IL1RAPL1: variants seen among roughly 807,000 people sequenced by gnomAD.
The protein encoded by IL1RAPL1 is interleukin-1 receptor accessory protein-like 1.
Under a neutral mutation model 48.4 loss-of-function variants are expected in IL1RAPL1, and 3 were observed. The ratio of observed to expected loss-of-function variants is 0.06; its 90% CI spans 0.03 to 0.16. The LOEUF (loss-of-function observed/expected upper bound fraction) is 0.16. IL1RAPL1 is among the 10% of genes least tolerant of loss of function. The pLI is 1.00. For missense variants in IL1RAPL1, 349 were observed against 530.6 expected, an observed-to-expected ratio of 0.66 and a Z score of 3.36; for synonymous variants, 185 against 187.7, an observed-to-expected ratio of 0.99 and a Z score of 0.12.
chrX:28,870,682 A>G (rs1922185919), intron 2 of IL1RAPL1, among the ~76,000 whole-genome samples: 1 of 111,429 alleles, frequency 9.0e-6, no homozygotes, highest in African/African-American at 3.3e-5. Context: ...CTCAATTTAA[A>G]TGCCCTTGTC....
chrX:28,917,533 G>T lies in IL1RAPL1; in HGVS notation c.82+128108G>T, dbSNP rs1158150658. On this transcript the variant is annotated intron_variant, in intron 2 of 10. Transcript: ENST00000378993. ...AACTCTGCAGTGATTGTGGGCTGAT[G>T]GTTCAAGTACAGTGATTCAGTGATT... is the stretch of plus-strand genomic sequence containing the variant. 4.5e-5 allele frequency among the ~76,000 whole-genome samples: 5 copies of T among 111,739 alleles called. No individual in the cohort carries two copies. In the East Asian group the frequency reaches 1.4e-3, roughly 32 times the overall value.
chrX:29,039,975 T>C (rs1297925175), intron 2 of IL1RAPL1, among the ~76,000 whole-genome samples: 1 of 110,817 alleles, frequency 9.0e-6, no homozygotes, highest in Non-Finnish European at 1.9e-5. Context: ...AAATCATCTG[T>C]GGAATTTTTA....
At chrX:29,574,940 G>T (rs759455898) in intron 5 of IL1RAPL1, among the ~76,000 whole-genome samples, 2 of 111,977 alleles carry the variant, frequency 1.8e-5, no homozygotes, top group East Asian at 2.8e-4. Context: ...AGTGACCTTT[G>T]CTCCAGTTCC....
intron 1 of IL1RAPL1, among the ~76,000 whole-genome samples, chrX:28,780,363 G>GTGTGTGTGCGTC (rs56989010): frequency 1.1e-5 from 1 of 91,443 alleles, no homozygotes; most frequent in Non-Finnish European, 2.2e-5. Flanking sequence ...GTGTGTGTGT[G>GTGTGTGTGCGTC]TGTCTGTCTG....
intron 3 of IL1RAPL1, among the ~76,000 whole-genome samples, chrX:29,295,271 C>T (rs1932432616): frequency 8.9e-6 from 1 of 111,909 alleles, no homozygotes; most frequent in African/African-American, 3.2e-5. Context: ...TTTACCAAAA[C>T]AACTCAAGCT....
At chrX:29,610,841 A>G (rs776520389) in intron 5 of IL1RAPL1, among the ~76,000 whole-genome samples, 54 of 112,189 alleles carry the variant, frequency 4.8e-4, no homozygotes, top group South Asian at 2.2e-3. Context: ...GTTACAATTA[A>G]TGCTCTTTTA....
At chrX:29,334,019 G>A (rs1247087426) in intron 3 of IL1RAPL1, among the ~76,000 whole-genome samples, 25 of 91,282 alleles carry the variant, frequency 2.7e-4, no homozygotes, top group African/African-American at 8.9e-4. Context: ...TGGCCGGGCG[G>A]GGGGCTGATC....
intron 6 of IL1RAPL1, among the ~76,000 whole-genome samples, chrX:29,753,333 C>A (rs1194055172): frequency 1.8e-5 from 2 of 111,659 alleles, no homozygotes; most frequent in African/African-American, 6.5e-5. Flanking sequence ...GCCTACCCTA[C>A]AGAGACATGG....
At chrX:29,015,070 G>T (rs951747324) in intron 2 of IL1RAPL1, among the ~76,000 whole-genome samples, 1 of 111,009 alleles carries the variant, frequency 9.0e-6, no homozygotes, top group Non-Finnish European at 1.9e-5. Flanking sequence ...GCAACCACGG[G>T]AGCAGATGTA....
chrX:29,531,520 C>T (rs748883780), intron 5 of IL1RAPL1, among the ~76,000 whole-genome samples: 1 of 111,998 alleles, frequency 8.9e-6, no homozygotes, highest in Non-Finnish European at 1.9e-5. Context: ...TAAATCAAGT[C>T]ATGGTCTTGT....
intron 1 of IL1RAPL1, chrX:28,659,565 A>G (rs1934792620): frequency 4.7e-6 from 2 of 424,223 alleles, no homozygotes; most frequent in South Asian, 3.4e-5. Flanking sequence ...GAGACTGGCT[A>G]GCTGGCGAGC....
intron 6 of IL1RAPL1, among the ~76,000 whole-genome samples, chrX:29,904,537 G>A (rs948151708): frequency 1.9e-5 from 2 of 106,967 alleles, no homozygotes; most frequent in African/African-American, 3.4e-5. Context: ...CCCCAACCCC[G>A]ACAGGCCCCA....
At chrX:29,201,768 G>A (rs768336246) in intron 2 of IL1RAPL1, among the ~76,000 whole-genome samples, 23 of 109,015 alleles carry the variant, frequency 2.1e-4, no homozygotes, top group African/African-American at 5.0e-4. Flanking sequence ...CTCGGCTCGC[G>A]GCAACCTCCG....
chrX:28,770,210 T>C (rs897565643), intron 1 of IL1RAPL1, among the ~76,000 whole-genome samples: 2 of 112,153 alleles, frequency 1.8e-5, no homozygotes, highest in African/African-American at 6.5e-5. Flanking sequence ...GTAATTTAAG[T>C]GCATATGGTG....
At chrX:29,887,175 T>G (rs186027715) in intron 6 of IL1RAPL1, among the ~76,000 whole-genome samples, 38 of 112,309 alleles carry the variant, frequency 3.4e-4, no homozygotes, top group Non-Finnish European at 9.4e-5. Flanking sequence ...GTCTCTCAAA[T>G]TCCACTTGTA....
chrX:29,378,233 T>C (rs1329520726), intron 3 of IL1RAPL1, among the ~76,000 whole-genome samples: 6 of 111,746 alleles, frequency 5.4e-5, no homozygotes, highest in Non-Finnish European at 1.1e-4. Context: ...AGTTTGATTC[T>C]TTCTTGAAAT....
intron 1 of IL1RAPL1, among the ~76,000 whole-genome samples, chrX:28,660,778 A>G (rs1934813336): frequency 8.9e-6 from 1 of 112,065 alleles, no homozygotes; most frequent in Non-Finnish European, 1.9e-5. Flanking sequence ...GTCACAAAAA[A>G]TATGAAGAGA....
chrX:29,491,424 T>C (rs1409277723), intron 5 of IL1RAPL1, among the ~76,000 whole-genome samples: 1 of 112,600 alleles, frequency 8.9e-6, no homozygotes, highest in Admixed American at 9.5e-5. Flanking sequence ...TATGTCACCA[T>C]TTTTACAGAA....
chrX:29,849,049 G>A (rs112348191), intron 6 of IL1RAPL1, among the ~76,000 whole-genome samples: 173 of 110,381 alleles, frequency 1.6e-3, no homozygotes, highest in African/African-American at 5.5e-3. Context: ...TTACAGGCAT[G>A]AGCCACCACA....
Sources: gnomAD v4.1 joint callset for allele counts (sites outside exome capture counted in the v4.1 genomes callset) on GRCh38, gnomAD v4.1.1 for gene constraint, MANE v1.5 for transcripts, NCBI Gene and HGNC (gene_info 2026-07-23, HGNC 2026-07-21) for gene names.